RTN1: variants seen among roughly 807,000 people sequenced by gnomAD.
RTN1 encodes reticulon-1.
Under a neutral mutation model 65.5 loss-of-function variants are expected in RTN1, and 25 were observed. That is an observed-to-expected ratio of 0.38 (90% CI 0.28 to 0.53). The LOEUF is 0.53. Among genes scored for constraint, RTN1 ranks in the 20% least tolerant of loss-of-function variants. RTN1 has a pLI of 0.79. For synonymous variants in RTN1, 471 were observed against 447.6 expected (o/e 1.05, Z -0.66); for missense variants, 983 against 1,025.4 (o/e 0.96, Z 0.57).
chr14:59,792,235 T>C (rs573821497), intron 1 of RTN1, among the ~76,000 whole-genome samples: 39 of 152,262 alleles, frequency 2.6e-4, no homozygotes, highest in African/African-American at 8.9e-4. Flanking sequence ...CACTTCATCT[T>C]CTTCTCCTGG....
chr14:59,696,602 G>A (rs2139443520), intron 3 of RTN1, among the ~76,000 whole-genome samples: 1 of 152,128 alleles, frequency 6.6e-6, no homozygotes, highest in Middle Eastern at 3.4e-3. Context: ...GCAGGCTGGG[G>A]GACAAATCCA....
At chr14:59,869,736 T>C (rs1413888480) in intron 1 of RTN1, among the ~76,000 whole-genome samples, 1 of 151,800 alleles carries the variant, frequency 6.6e-6, no homozygotes, top group Non-Finnish European at 1.5e-5. Context: ...GAAATACAGG[T>C]TTTGGGCGGG....
chr14:59,670,008 T>C (rs963099982), intron 3 of RTN1, among the ~76,000 whole-genome samples: 3 of 152,224 alleles, frequency 2.0e-5, no homozygotes, highest in Admixed American at 6.5e-5. Context: ...AAGGTCATCA[T>C]TGATCACTTT....
Position 59,834,091 on chromosome 14 carries a change from G to C in RTN1, c.241+36299C>G, listed in dbSNP as rs533063802. ...AATGGACAACTGATTTTCAATAAAG[G>C]CAATTCATTCGAGAAAAGATAGTCT... On this transcript the variant is annotated intron_variant, in intron 1 of 8. Transcript: ENST00000267484. Among the ~76,000 whole-genome samples the C allele has an allele frequency of 3.3e-4, 50 of 152,124 alleles. No individual in the cohort carries two copies. In the South Asian group the frequency reaches 0.01, roughly 32 times the overall value.
chr14:59,607,584 G>T (rs113474546), intron 3 of RTN1, 92 bp from the exon 4 acceptor site: 81,869 of 1,097,402 alleles, frequency 0.075, 3,519 homozygotes, highest in Non-Finnish European at 0.088. Context: ...GGTTGCTGTG[G>T]GTTCTCACCT....
At chr14:59,679,614 T>C (rs1274695056) in intron 3 of RTN1, among the ~76,000 whole-genome samples, 2 of 152,202 alleles carry the variant, frequency 1.3e-5, no homozygotes, top group Non-Finnish European at 2.9e-5. Context: ...AATAATTTCA[T>C]TGTTAATCAT....
At chr14:59,689,327 C>G (rs1883910077) in intron 3 of RTN1, among the ~76,000 whole-genome samples, 1 of 152,074 alleles carries the variant, frequency 6.6e-6, no homozygotes, top group Non-Finnish European at 1.5e-5. Context: ...AGTTACTAAA[C>G]CTATGAATTA....
chr14:59,780,490 A>C (rs934015607), intron 1 of RTN1, among the ~76,000 whole-genome samples: 2 of 152,214 alleles, frequency 1.3e-5, no homozygotes, highest in Non-Finnish European at 2.9e-5. Flanking sequence ...TAATGGTGCC[A>C]ACCATTCCGG....
At chr14:59,867,944 T>C (rs2139682503) in intron 1 of RTN1, among the ~76,000 whole-genome samples, 1 of 152,308 alleles carries the variant, frequency 6.6e-6, no homozygotes, top group South Asian at 2.1e-4. Flanking sequence ...TGATCTTAGA[T>C]TTCTCAGCTT....
chr14:59,856,937 T>C (rs1404705207), intron 1 of RTN1, among the ~76,000 whole-genome samples: 1 of 152,196 alleles, frequency 6.6e-6, no homozygotes, highest in Non-Finnish European at 1.5e-5. Context: ...GCTCATGCAA[T>C]GTCATATATG....
Position 59,749,529 on chromosome 14 carries a change from ATATC to A in RTN1, c.242-3052_242-3049del, listed in dbSNP as rs1384399686. On this transcript the variant is annotated intron_variant, in intron 1 of 8. Transcript: ENST00000267484. ...TATATAGATATCTATATATTTATAT[ATATC>A]TATCTATATATATTTATATAGATAT... 6.9e-5 allele frequency among the ~76,000 whole-genome samples: 4 copies of A among 58,152 alleles called. 1 individual carries two copies. Among genetic ancestry groups the A allele is most frequent in the African/African-American group, 2.4e-4 (2 of 8,336 alleles). The allele number at this position is 58,152 out of a possible 152,430, so 38.1% of individuals were successfully genotyped here.
At chr14:59,717,896 T>A (rs946664581) in intron 3 of RTN1, among the ~76,000 whole-genome samples, 1 of 152,202 alleles carries the variant, frequency 6.6e-6, no homozygotes, top group Admixed American at 6.5e-5. Context: ...CCTAGAGTAA[T>A]GATTCTCAAG....
At chr14:59,761,032 G>A (rs1322661309) in intron 1 of RTN1, among the ~76,000 whole-genome samples, 5 of 152,100 alleles carry the variant, frequency 3.3e-5, no homozygotes, top group South Asian at 4.2e-4. Context: ...TTTTATAGCC[G>A]CTGCCCACAC....
intron 3 of RTN1, among the ~76,000 whole-genome samples, chr14:59,625,254 A>T (rs1450188247): frequency 6.6e-6 from 1 of 152,228 alleles, no homozygotes; most frequent in African/African-American, 2.4e-5. Context: ...TATTCACAGA[A>T]ATCTGAGAAC....
Position 59,849,191 on chromosome 14 carries a change from A to G in RTN1, c.241+21199T>C, listed in dbSNP as rs183868347. Among the ~76,000 whole-genome samples the G allele has an allele frequency of 2.0e-5, 3 of 152,378 alleles. No homozygotes were observed. In the East Asian group the frequency reaches 5.8e-4, roughly 29 times the overall value. ...CCTGCTATATATTCAATAGGCCATT[A>G]GATCATAAAGCTAATCTAAGAAGGT... On this transcript the variant is annotated intron_variant, in intron 1 of 8. Transcript: ENST00000267484. The surrounding 1 kb of genome is among the most constrained non-coding windows in gnomAD (Gnocchi z 4.5).
At chr14:59,748,562 C>T (rs1457319963) in intron 1 of RTN1, among the ~76,000 whole-genome samples, 1 of 152,044 alleles carries the variant, frequency 6.6e-6, no homozygotes, top group East Asian at 1.9e-4. Flanking sequence ...CTACCCTTCT[C>T]TGATTTTTCT....
At chr14:59,744,929 T>C (rs1262390721) in intron 2 of RTN1, among the ~76,000 whole-genome samples, 10 of 152,292 alleles carry the variant, frequency 6.6e-5, no homozygotes, top group African/African-American at 2.2e-4. Context: ...TAATACCCAA[T>C]GTGGCAGTAT....
At chr14:59,707,181 T>A (rs1231369066) in intron 3 of RTN1, among the ~76,000 whole-genome samples, 1 of 152,196 alleles carries the variant, frequency 6.6e-6, no homozygotes, top group Non-Finnish European at 1.5e-5. Context: ...TTGTTTTTCA[T>A]CCATATAATG....
chr14:59,633,917 G>A, intron 3 of RTN1, among the ~76,000 whole-genome samples: 1 of 152,214 alleles, frequency 6.6e-6, no homozygotes, highest in East Asian at 1.9e-4. Context: ...ATGGGAATCA[G>A]TGGCATCTGC....
Sources: allele counts gnomAD v4.1 joint callset (sites outside exome capture counted in the v4.1 genomes callset), GRCh38; gene constraint gnomAD v4.1.1; non-coding constraint Gnocchi (gnomAD v3.1); transcripts MANE v1.5; gene names NCBI Gene and HGNC (gene_info 2026-07-23, HGNC 2026-07-21).